Variants in SPOCK3 observed in about 807,000 individuals in gnomAD.
SPOCK3 encodes testican-3.
SPOCK3 carries 30 observed loss-of-function variants against 56.6 expected under a neutral mutation model. The observed-to-expected ratio is 0.53, with a 90% CI of 0.40 to 0.72. SPOCK3 has a LOEUF of 0.72. Among genes scored for constraint, SPOCK3 ranks in the 30% least tolerant of loss-of-function variants. The pLI, the probability that SPOCK3 is intolerant of heterozygous loss-of-function variation, is 0.00. For missense variants in SPOCK3, 527 were observed against 530.0 expected (o/e 0.99, Z 0.06); for synonymous variants, 196 against 183.3 (o/e 1.07, Z -0.56).
At chr4:166,764,418 C>T (rs1310525256) in intron 7 of SPOCK3, among the ~76,000 whole-genome samples, 1 of 152,068 alleles carries the variant, frequency 6.6e-6, no homozygotes. Flanking sequence ...TCAATTCCCA[C>T]CTATGAGTGA....
chr4:167,094,843 G>A (rs1202480453), intron 2 of SPOCK3, among the ~76,000 whole-genome samples: 1 of 151,998 alleles, frequency 6.6e-6, no homozygotes, highest in Non-Finnish European at 1.5e-5. Context: ...TGTACATAGA[G>A]AAAGACACAG....
chr4:167,108,780 C>T (rs62352449), intron 2 of SPOCK3, among the ~76,000 whole-genome samples: 25,460 of 149,962 alleles, frequency 0.17, 2,294 homozygotes, highest in Middle Eastern at 0.23. Context: ...AATAATTTAA[C>T]TACACTTTTA....
intron 6 of SPOCK3, among the ~76,000 whole-genome samples, chr4:166,861,046 G>C (rs1197996316): frequency 6.6e-6 from 1 of 151,680 alleles, no homozygotes; most frequent in African/African-American, 2.4e-5. Context: ...GCAGTAATTA[G>C]TTCTCCCGAC....
chr4:167,214,913 C>G (rs1735213480), intron 2 of SPOCK3, among the ~76,000 whole-genome samples: 1 of 151,750 alleles, frequency 6.6e-6, no homozygotes, highest in Non-Finnish European at 1.5e-5. Flanking sequence ...GAGTTGGCTG[C>G]TTGGAAGAGC....
intron 2 of SPOCK3, among the ~76,000 whole-genome samples, chr4:167,216,219 A>T (rs1321164666): frequency 6.6e-6 from 1 of 152,030 alleles, no homozygotes; most frequent in Non-Finnish European, 1.5e-5. Context: ...CTGATCCATT[A>T]TGTGGAGTTT....
chr4:166,884,917 G>A (rs1320300806), intron 6 of SPOCK3, among the ~76,000 whole-genome samples: 1 of 150,338 alleles, frequency 6.7e-6, no homozygotes, highest in Non-Finnish European at 1.5e-5. Context: ...TTAAAGTCTA[G>A]TATGTAGGAT....
At chr4:167,091,893 T>C (rs1016493004) in intron 2 of SPOCK3, among the ~76,000 whole-genome samples, 1 of 152,160 alleles carries the variant, frequency 6.6e-6, no homozygotes, top group Admixed American at 6.6e-5. Context: ...ATGACAATGG[T>C]AAGGCAGTAA....
intron 2 of SPOCK3, among the ~76,000 whole-genome samples, chr4:167,069,156 C>T (rs1381261059): frequency 6.6e-6 from 1 of 151,872 alleles, no homozygotes; most frequent in South Asian, 2.1e-4. Flanking sequence ...ATCCTCCTCC[C>T]TTTGAATAGC....
At chr4:166,831,482 T>C (rs542649902) in intron 6 of SPOCK3, among the ~76,000 whole-genome samples, 2 of 152,250 alleles carry the variant, frequency 1.3e-5, no homozygotes, top group South Asian at 4.1e-4. Context: ...AAAAAAGATA[T>C]ACGGCTATTC....
At chr4:167,112,531 G>A (rs750927986) in intron 2 of SPOCK3, among the ~76,000 whole-genome samples, 1 of 152,018 alleles carries the variant, frequency 6.6e-6, no homozygotes, top group Non-Finnish European at 1.5e-5. Flanking sequence ...GGGATTGAGG[G>A]GGCTGTCATG....
At chr4:166,788,203 C>CAA (rs748069764) in intron 7 of SPOCK3, among the ~76,000 whole-genome samples, 195 of 151,704 alleles carry the variant, frequency 1.3e-3, no homozygotes, top group Non-Finnish European at 1.0e-3. Context: ...AACAAACAAA[C>CAA]AAAAAAACCC....
chr4:166,961,019 A>G (rs1455177834), intron 4 of SPOCK3, among the ~76,000 whole-genome samples: 1 of 152,222 alleles, frequency 6.6e-6, no homozygotes, highest in African/African-American at 2.4e-5. Flanking sequence ...GTAGATTTAG[A>G]GTTTTACATT....
intron 2 of SPOCK3, among the ~76,000 whole-genome samples, chr4:167,228,825 A>G (rs370631384): frequency 2.0e-4 from 31 of 152,144 alleles, no homozygotes; most frequent in African/African-American, 7.0e-4. Context: ...CTCTCCATTA[A>G]ATCTCCCCAT....
chr4:167,230,436 C>G (rs1235509845), intron 2 of SPOCK3, among the ~76,000 whole-genome samples: 1 of 146,978 alleles, frequency 6.8e-6, no homozygotes, highest in Admixed American at 6.9e-5. Flanking sequence ...AATGGTACCC[C>G]ACAATTTTCC....
chr4:167,156,443 A>G (rs899745361), intron 2 of SPOCK3, among the ~76,000 whole-genome samples: 6 of 152,190 alleles, frequency 3.9e-5, no homozygotes, highest in East Asian at 1.9e-4. Context: ...AACTTAATCT[A>G]TCTGCACCAT....
chr4:167,092,073 G>C (rs2150311022), intron 2 of SPOCK3, among the ~76,000 whole-genome samples: 1 of 152,192 alleles, frequency 6.6e-6, no homozygotes, highest in Non-Finnish European at 1.5e-5. Context: ...GGTGATTTCT[G>C]CATTTCCAAC....
At chr4:167,126,365 TG>T (rs35511312) in intron 2 of SPOCK3, among the ~76,000 whole-genome samples, 26,387 of 151,980 alleles carry the variant, frequency 0.17, 2,465 homozygotes, top group Admixed American at 0.23. Flanking sequence ...CTGGCCAACT[TG>T]GCAAAACCCC....
intron 2 of SPOCK3, among the ~76,000 whole-genome samples, chr4:167,167,067 G>A (rs933163902): frequency 6.6e-6 from 1 of 151,794 alleles, no homozygotes; most frequent in Non-Finnish European, 1.5e-5. Flanking sequence ...TTCTTGCTGG[G>A]GCAAGCTGAA....
chr4:167,044,464 T>G (rs2150207457), intron 3 of SPOCK3, among the ~76,000 whole-genome samples: 1 of 152,116 alleles, frequency 6.6e-6, no homozygotes, highest in East Asian at 1.9e-4. Flanking sequence ...TCCTTCTTAC[T>G]TCAGACTTAA....
Sources: allele counts gnomAD v4.1 joint callset (sites outside exome capture counted in the v4.1 genomes callset), GRCh38; gene constraint gnomAD v4.1.1; transcripts MANE v1.5; gene names NCBI Gene and HGNC (gene_info 2026-07-23, HGNC 2026-07-21).